SLC8A1: variants seen among roughly 807,000 people sequenced by gnomAD.
SLC8A1 encodes sodium/calcium exchanger 1.
In SLC8A1, 18 loss-of-function variants were observed where a neutral mutation model predicts 68.3. The observed-to-expected ratio is 0.26, with a 90% confidence interval of 0.18 to 0.39. The LOEUF (loss-of-function observed/expected upper bound fraction) is 0.39. Among genes scored for constraint, SLC8A1 ranks in the 10% least tolerant of loss-of-function variants. The pLI, the probability that SLC8A1 is intolerant of heterozygous loss-of-function variation, is 1.00. For synonymous variants in SLC8A1, 475 were observed against 415.5 expected (o/e 1.14, Z -1.74); for missense variants, 985 against 1,156.7 (o/e 0.85, Z 2.15).
At chr2:40,493,550 A>C (rs1705473921) in intron 1 of SLC8A1, among the ~76,000 whole-genome samples, 1 of 151,890 alleles carries the variant, frequency 6.6e-6, no homozygotes, top group Non-Finnish European at 1.5e-5. Flanking sequence ...AGGTTCAGAA[A>C]GTGTAAATAA....
chr2:40,339,302 G>C (rs1253059302), intron 2 of SLC8A1, among the ~76,000 whole-genome samples: 1 of 152,130 alleles, frequency 6.6e-6, no homozygotes, highest in Non-Finnish European at 1.5e-5. Context: ...ATTAGATAAA[G>C]GTAATGTGCA....
At chr2:40,338,679 G>T (rs1445000707) in intron 2 of SLC8A1, among the ~76,000 whole-genome samples, 1 of 152,160 alleles carries the variant, frequency 6.6e-6, no homozygotes, top group Non-Finnish European at 1.5e-5. Flanking sequence ...AAAACAAGTT[G>T]TGTCATAAAG....
At chr2:40,251,940 T>C (rs2062822341) in intron 2 of SLC8A1, among the ~76,000 whole-genome samples, 1 of 151,234 alleles carries the variant, frequency 6.6e-6, no homozygotes, top group Non-Finnish European at 1.5e-5. Flanking sequence ...TTCCCCAAAA[T>C]GTTTAGAGTG....
At chr2:40,493,289 G>A (rs1036012412) in intron 1 of SLC8A1, among the ~76,000 whole-genome samples, 5 of 135,792 alleles carry the variant, frequency 3.7e-5, no homozygotes, top group Non-Finnish European at 7.7e-5. Context: ...GGTGGGAATT[G>A]AACAATGAGA....
At chr2:40,385,477 G>C (rs1683262621) in intron 2 of SLC8A1, among the ~76,000 whole-genome samples, 1 of 148,756 alleles carries the variant, frequency 6.7e-6, no homozygotes, top group African/African-American at 2.6e-5. Context: ...GCTACGAAAA[G>C]ACAGAAGTAT....
intron 2 of SLC8A1, among the ~76,000 whole-genome samples, chr2:40,180,170 G>A (rs989321746): frequency 6.6e-6 from 1 of 152,072 alleles, no homozygotes; most frequent in Non-Finnish European, 1.5e-5. Context: ...ATAATGTCCA[G>A]TTACATGTAT....
chr2:40,509,674 G>C (rs1336600108), intron 1 of SLC8A1, among the ~76,000 whole-genome samples: 1 of 151,936 alleles, frequency 6.6e-6, no homozygotes, highest in African/African-American at 2.4e-5. Context: ...CAGCTATCCA[G>C]ACAGGTCTCA....
intron 2 of SLC8A1, among the ~76,000 whole-genome samples, chr2:40,250,785 G>A (rs2062618491): frequency 6.6e-6 from 1 of 152,142 alleles, no homozygotes; most frequent in African/African-American, 2.4e-5. Flanking sequence ...TTGGGGAAAG[G>A]CAAATGGGAT....
chr2:40,408,357 C>T (rs1433180971), intron 2 of SLC8A1, among the ~76,000 whole-genome samples: 2 of 152,162 alleles, frequency 1.3e-5, no homozygotes, highest in African/African-American at 4.8e-5. Flanking sequence ...TTAGCTTAGA[C>T]TGTGGATATC....
At chr2:40,338,209 G>C (rs188629258) in intron 2 of SLC8A1, among the ~76,000 whole-genome samples, 3 of 152,226 alleles carry the variant, frequency 2.0e-5, no homozygotes, top group Admixed American at 6.5e-5. Context: ...TCAGAAGACA[G>C]AGATCTTCAA....
intron 2 of SLC8A1, among the ~76,000 whole-genome samples, chr2:40,372,454 T>G (rs1232334669): frequency 1.3e-5 from 2 of 152,134 alleles, no homozygotes; most frequent in African/African-American, 4.8e-5. Context: ...GAAATCTCAC[T>G]GTCATGCTGA....
intron 1 of SLC8A1, among the ~76,000 whole-genome samples, chr2:40,482,557 A>G (rs1704697404): frequency 6.6e-6 from 1 of 151,948 alleles, no homozygotes; most frequent in African/African-American, 2.4e-5. Context: ...CATCCCTGTT[A>G]TTATTTCTAT....
At chr2:40,262,110 G>A (rs760267910) in intron 2 of SLC8A1, among the ~76,000 whole-genome samples, 9 of 151,878 alleles carry the variant, frequency 5.9e-5, no homozygotes, top group Admixed American at 1.3e-4. Context: ...CTACAGGCAC[G>A]CGCCATCACG....
chr2:40,220,888 C>T (rs952901138), intron 2 of SLC8A1, among the ~76,000 whole-genome samples: 1 of 151,608 alleles, frequency 6.6e-6, no homozygotes, highest in African/African-American at 2.4e-5. Context: ...AAAAAAAGTC[C>T]TATCAACCAA....
At chr2:40,408,755 C>T (rs952580580) in intron 2 of SLC8A1, among the ~76,000 whole-genome samples, 2 of 152,146 alleles carry the variant, frequency 1.3e-5, no homozygotes, top group Non-Finnish European at 2.9e-5. Flanking sequence ...ATTTAAAACT[C>T]ACGAGTATGG....
intron 2 of SLC8A1, among the ~76,000 whole-genome samples, chr2:40,304,668 G>T (rs2072227387): frequency 6.6e-6 from 1 of 151,968 alleles, no homozygotes; most frequent in Admixed American, 6.6e-5. Context: ...CCCTTTTCTT[G>T]ACCCAGCCAC....
chr2:40,506,009 A>G (rs1706342626), intron 1 of SLC8A1, among the ~76,000 whole-genome samples: 1 of 151,688 alleles, frequency 6.6e-6, no homozygotes, highest in Non-Finnish European at 1.5e-5. Context: ...TTGCGCTCAG[A>G]TTACCTTCTG....
chr2:40,360,370 GC>G (rs1674234615), intron 2 of SLC8A1, among the ~76,000 whole-genome samples: 1 of 152,122 alleles, frequency 6.6e-6, no homozygotes, highest in African/African-American at 2.4e-5. Context: ...TTAAGTTAAA[GC>G]TTTTTAAAAA....
chr2:40,106,057 A>C (rs1201699587), exon 8 of SLC8A1: 1 of 152,242 alleles, frequency 6.6e-6, no homozygotes, highest in Non-Finnish European at 1.5e-5. Context: ...GCAAAAATGC[A>C]ATCTTTGCTT....
Sources: gnomAD v4.1 joint callset for allele counts (sites outside exome capture counted in the v4.1 genomes callset) on GRCh38, gnomAD v4.1.1 for gene constraint, MANE v1.5 for transcripts, NCBI Gene and HGNC (gene_info 2026-07-23, HGNC 2026-07-21) for gene names.